NELL1: variants seen among roughly 807,000 people sequenced by gnomAD.
The protein encoded by NELL1 is neural EGFL like 1.
NELL1 carries 76 observed loss-of-function variants against 107.4 expected under a neutral mutation model. The ratio of observed to expected loss-of-function variants is 0.71; its 90% CI spans 0.59 to 0.86. NELL1 has a LOEUF of 0.86. Among genes scored for constraint, NELL1 ranks in the 40% least tolerant of loss-of-function variants. NELL1 has a pLI of 0.00. For missense variants in NELL1, 1,024 were observed against 1,005.5 expected (o/e 1.02, Z -0.25); for synonymous variants, 353 against 341.2 (o/e 1.03, Z -0.38).
chr11:20,834,385 T>C (rs1392090408), intron 3 of NELL1, among the ~76,000 whole-genome samples: 2 of 152,116 alleles, frequency 1.3e-5, no homozygotes, highest in South Asian at 2.1e-4. Context: ...TTGCGAGTAT[T>C]GAGTTTGGGG....
At chr11:20,714,001 C>T (rs755101078) in intron 2 of NELL1, among the ~76,000 whole-genome samples, 1 of 152,018 alleles carries the variant, frequency 6.6e-6, no homozygotes, top group African/African-American at 2.4e-5. Flanking sequence ...TTCGGGAACT[C>T]AGTTTTTTGT....
chr11:20,926,466 C>A (rs1850499026), intron 7 of NELL1, among the ~76,000 whole-genome samples: 2 of 152,210 alleles, frequency 1.3e-5, no homozygotes, highest in South Asian at 4.1e-4. Context: ...AAAGATTTCA[C>A]AGCCAAAACC....
intron 12 of NELL1, among the ~76,000 whole-genome samples, chr11:20,999,105 C>A (rs954061969): frequency 3.3e-5 from 5 of 152,184 alleles, no homozygotes; most frequent in Non-Finnish European, 1.5e-5. Context: ...TTATTTGCCA[C>A]ATCCCCATGC....
intron 2 of NELL1, among the ~76,000 whole-genome samples, chr11:20,720,515 G>A (rs1387406052): frequency 6.6e-6 from 1 of 152,034 alleles, no homozygotes; most frequent in African/African-American, 2.4e-5. Context: ...CCTCTTTTCT[G>A]TTCTTATCTT....
chr11:21,199,338 C>A (rs963441290), intron 13 of NELL1, among the ~76,000 whole-genome samples: 2 of 152,106 alleles, frequency 1.3e-5, no homozygotes, highest in Admixed American at 1.3e-4. Context: ...AGACAGAGTA[C>A]CCTCCAGGAC....
chr11:21,266,206 C>A (rs183418005), intron 14 of NELL1, among the ~76,000 whole-genome samples: 5 of 151,402 alleles, frequency 3.3e-5, no homozygotes, highest in Non-Finnish European at 7.4e-5. Flanking sequence ...TTTTTTAACT[C>A]GGCTTAGAAT....
intron 4 of NELL1, among the ~76,000 whole-genome samples, chr11:20,861,417 C>G (rs1848976302): frequency 6.6e-6 from 1 of 152,088 alleles, no homozygotes; most frequent in Non-Finnish European, 1.5e-5. Flanking sequence ...CTGCTTTGTC[C>G]CTTGGTAGTG....
At chr11:21,422,198 C>T (rs1169419386) in intron 15 of NELL1, among the ~76,000 whole-genome samples, 1 of 151,916 alleles carries the variant, frequency 6.6e-6, no homozygotes, top group African/African-American at 2.4e-5. Flanking sequence ...ACCACTAGAC[C>T]TACCCTGCCC....
rs567925379 is a variant in NELL1, at chr11:21,175,086, G to T, written c.1427-54246G>T. ...AATTCTACTCCAGGCTAAAATATGA[G>T]ACTTAAATTTACTGAATTGCTGTCT... On this transcript the variant is annotated intron_variant, in intron 13 of 19. Coordinates refer to ENST00000357134, the MANE Select transcript of NELL1 (RefSeq NM_006157.5). Among the ~76,000 whole-genome samples the T allele has an allele frequency of 7.9e-5, 12 of 151,852 alleles. No individual in the cohort carries two copies. In the East Asian group the frequency reaches 2.1e-3, roughly 27 times the overall value.
chr11:21,244,036 T>C (rs1255110096), intron 14 of NELL1, among the ~76,000 whole-genome samples: 3 of 152,092 alleles, frequency 2.0e-5, no homozygotes, highest in Non-Finnish European at 2.9e-5. Flanking sequence ...CTGGAATCCA[T>C]ATACCAGAGG....
intron 11 of NELL1, among the ~76,000 whole-genome samples, chr11:20,953,701 A>G (rs934887102): frequency 6.6e-6 from 1 of 152,160 alleles, no homozygotes; most frequent in Non-Finnish European, 1.5e-5. Flanking sequence ...TTCTTTGTAC[A>G]TATCACGGGC....
At position 21,575,066 on chromosome 11, in the gene NELL1, C is replaced by CATCCAACGTGATTAAGGATAGGA. The variant is rs765250591; in HGVS notation, c.*48_*70dup. ...AACGCAGAAGAATGGACGAAATGAC[C>CATCCAACGTGATTAAGGATAGGA]ATCCAACGTGATTAAGGATAGGAAT... On this transcript the variant is annotated 3_prime_UTR_variant, in exon 20 of 20. Coordinates refer to ENST00000357134, the MANE Select transcript of NELL1 (RefSeq NM_006157.5). 85 of 1,492,592 alleles carry CATCCAACGTGATTAAGGATAGGA rather than the reference C, an allele frequency of 5.7e-5. No individual in the cohort carries two copies. The African/African-American group carries it at 1.1e-3, about 20-fold the overall frequency. 92.5% of individuals were successfully genotyped at this position (1,492,592 alleles called of 1,614,324 possible). A position where few individuals can be genotyped will look rare whatever the true frequency, so the allele number is the denominator to read the frequency against.
At chr11:20,892,473 A>G (rs1849636508) in intron 5 of NELL1, among the ~76,000 whole-genome samples, 1 of 152,210 alleles carries the variant, frequency 6.6e-6, no homozygotes, top group African/African-American at 2.4e-5. Context: ...GAATCCTTTT[A>G]CACTGTTGGT....
chr11:20,795,636 A>T (rs1025994483), intron 3 of NELL1, among the ~76,000 whole-genome samples: 2 of 152,154 alleles, frequency 1.3e-5, no homozygotes, highest in African/African-American at 2.4e-5. Flanking sequence ...CTGTTTTTTA[A>T]TTTTATTTCT....
intron 13 of NELL1, among the ~76,000 whole-genome samples, chr11:21,222,007 C>T (rs1282673047): frequency 6.6e-6 from 1 of 151,796 alleles, no homozygotes; most frequent in Non-Finnish European, 1.5e-5. Context: ...TTGAATGATT[C>T]TTTATATTTC....
chr11:21,539,522 C>T (rs886623651), intron 16 of NELL1, among the ~76,000 whole-genome samples: 20 of 151,504 alleles, frequency 1.3e-4, no homozygotes, highest in South Asian at 4.2e-4. Context: ...GGGATGGATG[C>T]GGAGCTGGAA....
rs1226891368 is a variant in NELL1 at position 20,755,550 on chromosome 11, G to GTTTT, written c.185-28128_185-28125dup. ...CCTGTGTGGGTTTTTGTTTTTTTTT[G>GTTTT]TTTTTGTTTTTGTTTTTTTTTTTTT... On this transcript the variant is annotated intron_variant, in intron 2 of 19. Coordinates refer to ENST00000357134, the MANE Select transcript of NELL1 (RefSeq NM_006157.5). Among the ~76,000 whole-genome samples, 958 of 114,476 alleles carry GTTTT rather than the reference G, an allele frequency of 8.4e-3. 15 individuals are homozygous for GTTTT. The highest frequency in any genetic ancestry group is 0.04 in the African/African-American group (900 of 22,368). 75.1% of individuals were successfully genotyped at this position (114,476 alleles called of 152,430 possible). A position where few individuals can be genotyped will look rare whatever the true frequency, so the allele number is the denominator to read the frequency against.
intron 12 of NELL1, among the ~76,000 whole-genome samples, chr11:21,037,113 C>A (rs72941912): frequency 6.6e-6 from 1 of 151,936 alleles, no homozygotes; most frequent in African/African-American, 2.4e-5. Context: ...GAAATTTCCA[C>A]GGTGATGAAA....
intron 2 of NELL1, among the ~76,000 whole-genome samples, chr11:20,712,866 C>G (rs550142408): frequency 6.6e-6 from 1 of 152,330 alleles, no homozygotes; most frequent in African/African-American, 2.4e-5. Flanking sequence ...CCAGCACCTG[C>G]TCTGGTGGAG....
Sources: allele counts gnomAD v4.1 joint callset (sites outside exome capture counted in the v4.1 genomes callset), GRCh38; gene constraint gnomAD v4.1.1; transcripts MANE v1.5; gene names NCBI Gene and HGNC (gene_info 2026-07-23, HGNC 2026-07-21).